Variants in EXTL3 observed in about 807,000 individuals in gnomAD.
EXTL3 encodes exostosin-like 3.
Under a neutral mutation model 69.3 loss-of-function variants are expected in EXTL3, and 27 were observed. The ratio of observed to expected loss-of-function variants is 0.39; its 90% CI spans 0.29 to 0.54. EXTL3 has a LOEUF of 0.54. Among genes scored for constraint, EXTL3 ranks in the 20% least tolerant of loss-of-function variants. The probability of loss-of-function intolerance (pLI) is 0.69; values close to 1 mark genes in which losing one functional copy is unlikely to be tolerated. For missense variants in EXTL3, 1,003 were observed against 1,231.8 expected (o/e 0.81, Z 2.78); for synonymous variants, 511 against 499.4 (o/e 1.02, Z -0.31).
At position 28,752,584 on chromosome 8, in the gene EXTL3, T is replaced by C. The variant is rs1054511956; in HGVS notation, c.*1718T>C. 2.0e-5 allele frequency: 3 copies of C among 152,666 alleles called. No individual in the cohort carries two copies. The highest frequency in any genetic ancestry group is 7.2e-5 in the African/African-American group (3 of 41,458). 9.5% of individuals were successfully genotyped at this position (152,666 alleles called of 1,614,324 possible). ...GGGCTAGCTCGGCTTAAGGGAACTC[T>C]CCCCATTGGCAAACCGGACCCGGCC... On this transcript the variant is annotated 3_prime_UTR_variant, in exon 7 of 7. Coordinates refer to ENST00000220562, the MANE Select transcript of EXTL3 (RefSeq NM_001440.4).
intron 1 of EXTL3, among the ~76,000 whole-genome samples, chr8:28,647,397 C>A (rs1182904457): frequency 6.6e-6 from 1 of 152,096 alleles, no homozygotes; most frequent in African/African-American, 2.4e-5. Flanking sequence ...CAATTTAGTT[C>A]TTTTTATGTG....
chr8:28,643,560 G>T (rs181287294), intron 1 of EXTL3, among the ~76,000 whole-genome samples: 3 of 151,482 alleles, frequency 2.0e-5, no homozygotes, highest in African/African-American at 7.3e-5. Context: ...GACTACAGGC[G>T]CCCGCTACCA....
Position 28,716,345 on chromosome 8 carries a change from C to G in EXTL3, c.286C>G (p.Leu96Val). The change falls in exon 3 of 7, where the codon CTG becomes GTG. Residue 96 changes from leucine (L) to valine (V), a missense_variant. Coordinates refer to ENST00000220562, the MANE Select transcript of EXTL3 (RefSeq NM_001440.4). This position sits in a 1 kb window ranked among gnomAD's most constrained non-coding sequence, Gnocchi z 7.1. ...GTCGGTGAGTGAAGAGCTCCTGCAG[C>G]TGGAGGCCAAGCGCCAAGAGCTGAA... is the stretch of plus-strand genomic sequence containing the variant. ...RESVSEELLQLEAKRQELNSE... is the reference protein window; with the variant it reads ...RESVSEELLQVEAKRQELNSE... The G allele has an allele frequency of 6.2e-7, 1 of 1,614,126 alleles. No individual in the cohort carries two copies. The highest frequency in any genetic ancestry group is 8.5e-7 in the Non-Finnish European group (1 of 1,180,038).
At chr8:28,691,056 T>C (rs1344004142) in intron 1 of EXTL3, among the ~76,000 whole-genome samples, 1 of 152,154 alleles carries the variant, frequency 6.6e-6, no homozygotes, top group African/African-American at 2.4e-5. Context: ...GTATTATAGT[T>C]ACCAGACTTT....
At chr8:28,654,621 A>T (rs1041563978) in intron 1 of EXTL3, among the ~76,000 whole-genome samples, 1 of 152,124 alleles carries the variant, frequency 6.6e-6, no homozygotes, top group Admixed American at 6.5e-5. Context: ...TTTCAGGAAG[A>T]TATTATTGTT....
intron 1 of EXTL3, among the ~76,000 whole-genome samples, chr8:28,646,510 A>G (rs1487448488): frequency 2.0e-5 from 3 of 152,172 alleles, no homozygotes; most frequent in Non-Finnish European, 4.4e-5. Context: ...CTTTCTCATT[A>G]CTACCCTAGC....
intron 1 of EXTL3, among the ~76,000 whole-genome samples, chr8:28,626,259 A>G (rs921543823): frequency 2.0e-5 from 3 of 152,044 alleles, no homozygotes; most frequent in African/African-American, 7.2e-5. Context: ...ATAGAATAAG[A>G]CTAAAGAAAG....
At chr8:28,742,208 T>C (rs1359319804) in intron 5 of EXTL3, 1 of 152,120 alleles carries the variant, frequency 6.6e-6, no homozygotes, top group Non-Finnish European at 1.5e-5. Flanking sequence ...GAGTTTAAGG[T>C]GTTTATTGCA....
At chr8:28,619,266 TAAAAAAAAAAAAAAAAAAAAAAAAAAAAA>T (rs755355444), upstream of EXTL3, among the ~76,000 whole-genome samples, 454 of 64,662 alleles carry the variant, frequency 7.0e-3, 5 homozygotes, top group Middle Eastern at 0.022. Flanking sequence ...AGCTTAGTGA[TAAAAAAAAAAAAAAAAAAAAAAAAAAAAA>T]AAAAAAAAAA....
chr8:28,644,058 C>T (rs1806789309), intron 1 of EXTL3, among the ~76,000 whole-genome samples: 1 of 152,094 alleles, frequency 6.6e-6, no homozygotes, highest in African/African-American at 2.4e-5. Flanking sequence ...GTCATTGTGC[C>T]CAGCCTAAGC....
At chr8:28,650,721 G>A (rs1030376283) in intron 1 of EXTL3, among the ~76,000 whole-genome samples, 1 of 151,996 alleles carries the variant, frequency 6.6e-6, no homozygotes, top group African/African-American at 2.4e-5. Flanking sequence ...TCCGTCTGAT[G>A]CCAAGTTTCC....
chr8:28,724,151 T>A (rs1016196257), intron 3 of EXTL3, among the ~76,000 whole-genome samples: 5 of 152,170 alleles, frequency 3.3e-5, no homozygotes, highest in Non-Finnish European at 7.4e-5. Context: ...CATGTTATAA[T>A]AATTGTTAAC....
intron 1 of EXTL3, among the ~76,000 whole-genome samples, chr8:28,633,732 T>A (rs1165074854): frequency 6.6e-6 from 1 of 152,212 alleles, no homozygotes; most frequent in African/African-American, 2.4e-5. Context: ...CCCTTTTGTT[T>A]ACATGCTGTC....
rs1170455278 is a variant in EXTL3 at position 28,623,159 on chromosome 8, C to T, written c.-53+349C>T. Among the ~76,000 whole-genome samples, 1 of 151,892 alleles carries T rather than the reference C, an allele frequency of 6.6e-6. No homozygotes were observed. The highest frequency in any genetic ancestry group is 1.5e-5 in the Non-Finnish European group (1 of 67,932). On this transcript the variant is annotated intron_variant, in intron 1 of 6. Transcript: ENST00000523149. The surrounding 1 kb of genome is among the most constrained non-coding windows in gnomAD (Gnocchi z 4.2). Reference sequence around the variant, plus strand: ...GAGAGTGTGGCTGTCGGCAGGGGTCCGTATCACACTGTGGGCGGGGGTCCC... The same window carrying T: ...GAGAGTGTGGCTGTCGGCAGGGGTCTGTATCACACTGTGGGCGGGGGTCCC...
chr8:28,667,461 G>C (rs1176184595), intron 1 of EXTL3, among the ~76,000 whole-genome samples: 4 of 152,188 alleles, frequency 2.6e-5, no homozygotes, highest in Admixed American at 2.6e-4. Context: ...GTTCAATACT[G>C]GGCCTCTTGG....
intron 1 of EXTL3, among the ~76,000 whole-genome samples, chr8:28,644,528 A>G (rs1806798391): frequency 6.6e-6 from 1 of 152,074 alleles, no homozygotes; most frequent in South Asian, 2.1e-4. Flanking sequence ...GTGAGACCCC[A>G]TCTCTACAGA....
At chr8:28,710,532 G>C in intron 1 of EXTL3, 1 of 455,980 alleles carries the variant, frequency 2.2e-6, no homozygotes, top group Non-Finnish European at 4.4e-6. Context: ...TATGCTTCTG[G>C]ATAGGATTAC....
downstream of EXTL3, among the ~76,000 whole-genome samples, chr8:28,756,239 C>T (rs1381210955): frequency 6.6e-6 from 1 of 152,228 alleles, no homozygotes; most frequent in East Asian, 1.9e-4. Flanking sequence ...CCTGCTCCTT[C>T]CTCCTAGTCA....
chr8:28,745,497 G>T (rs1479422111), intron 6 of EXTL3, among the ~76,000 whole-genome samples: 1 of 152,196 alleles, frequency 6.6e-6, no homozygotes, highest in Non-Finnish European at 1.5e-5. Context: ...ACAGTGAAAA[G>T]ATTTTGTAGA....
Sources: gnomAD v4.1 joint callset for allele counts (sites outside exome capture counted in the v4.1 genomes callset) on GRCh38, gnomAD v4.1.1 for gene constraint, Gnocchi (gnomAD v3.1) non-coding constraint, MANE v1.5 for transcripts, NCBI Gene and HGNC (gene_info 2026-07-23, HGNC 2026-07-21) for gene names.